Variants in CACNA1C observed in about 807,000 individuals in gnomAD.
The protein encoded by CACNA1C is calcium voltage-gated channel subunit alpha1 C.
A neutral mutation model predicts 229.0 loss-of-function variants in CACNA1C; 30 were observed. The ratio of observed to expected loss-of-function variants is 0.13; its 90% confidence interval spans 0.10 to 0.18. The LOEUF (loss-of-function observed/expected upper bound fraction) is 0.18, where lower values mean the gene tolerates loss of function less well. CACNA1C is among the 10% of genes least tolerant of loss of function. The pLI is 1.00. For synonymous variants in CACNA1C, 1,114 were observed against 1,132.5 expected (o/e 0.98, Z 0.33); for missense variants, 1,658 against 2,845.0 (o/e 0.58, Z 9.49).
rs2093678883 is a variant in CACNA1C at position 2,641,425 on chromosome 12, G to A, written c.3912+7045G>A. 9.3e-6 allele frequency: 4 copies of A among 429,408 alleles called. No homozygotes were observed. In the South Asian group the frequency reaches 1.1e-4, roughly 11 times the overall value. 26.6% of individuals were successfully genotyped at this position (429,408 alleles called of 1,614,324 possible). A position where few individuals can be genotyped will look rare whatever the true frequency, so the allele number is the denominator to read the frequency against. On this transcript the variant is annotated intron_variant, in intron 30 of 46. Coordinates refer to ENST00000399655, the MANE Select transcript of CACNA1C (RefSeq NM_000719.7). ...ACATTGGTGGGTGTGGCCTGAGCTGGTTCTAGGACACATAGATTAAATCAA... is the reference window on the plus strand; with the variant it reads ...ACATTGGTGGGTGTGGCCTGAGCTGATTCTAGGACACATAGATTAAATCAA...
chr12:2,314,982 A>T (rs964036726), intron 3 of CACNA1C, among the ~76,000 whole-genome samples: 1 of 152,174 alleles, frequency 6.6e-6, no homozygotes, highest in Non-Finnish European at 1.5e-5. Flanking sequence ...ACTTGCCTTT[A>T]TGAAAGAAAA....
chr12:2,577,664 C>G (rs538420457), intron 13 of CACNA1C, among the ~76,000 whole-genome samples: 1 of 152,276 alleles, frequency 6.6e-6, no homozygotes, highest in East Asian at 1.9e-4. Flanking sequence ...CCTCCATGGC[C>G]CCTTGCCTTT....
chr12:2,389,252 C>T (rs1291177398), intron 3 of CACNA1C, among the ~76,000 whole-genome samples: 1 of 151,958 alleles, frequency 6.6e-6, no homozygotes, highest in East Asian at 1.9e-4. Context: ...CCTTTGGATT[C>T]CGAGATGTGT....
chr12:2,420,936 A>G (rs1016380178), intron 3 of CACNA1C, among the ~76,000 whole-genome samples: 15 of 152,314 alleles, frequency 9.8e-5, no homozygotes, highest in South Asian at 2.1e-4. Flanking sequence ...TAGTGCCTTT[A>G]TCTCTTCTAA....
intron 1 of CACNA1C, among the ~76,000 whole-genome samples, chr12:2,031,444 C>T (rs2048204660): frequency 6.6e-6 from 1 of 152,210 alleles, no homozygotes; most frequent in Non-Finnish European, 1.5e-5. Flanking sequence ...TCAGGCTCAA[C>T]CTTCCAGAAG....
chr12:2,135,322 C>T (rs2093173835), intron 3 of CACNA1C, among the ~76,000 whole-genome samples: 1 of 146,866 alleles, frequency 6.8e-6, no homozygotes, highest in South Asian at 2.2e-4. Flanking sequence ...AAGTCATTCT[C>T]CATCCAGCTT....
In CACNA1C at chr12:2,651,500, C is replaced by T. The variant is rs1244830320; in HGVS notation, c.3946-140C>T. On this transcript the variant is annotated intron_variant, in intron 31 of 46. Coordinates refer to ENST00000399655, the MANE Select transcript of CACNA1C (RefSeq NM_000719.7). This position sits in a 1 kb window ranked among gnomAD's most constrained non-coding sequence, Gnocchi z 5.4. ...TTAAAGTGGGCGGCCGCCCTCCCAT[C>T]GGAGGGGGAAGTCTAGTGCAGCAAA... 24 of 1,282,438 alleles carry T rather than the reference C, an allele frequency of 1.9e-5. No homozygotes were observed. The highest frequency in any genetic ancestry group is 3.6e-5 in the Admixed American group (2 of 56,088). 79.4% of individuals were successfully genotyped at this position (1,282,438 alleles called of 1,614,324 possible).
At position 2,602,978 on chromosome 12, in the gene CACNA1C, A is replaced by C. The variant is rs1015263177; in HGVS notation, c.2960+1018A>C. ...CATCATGACACTTGCTCAAGGTCAC[A>C]CCTGTGGTAGAGAAAGGCCTAAGTC... On this transcript the variant is annotated intron_variant, in intron 22 of 46. Transcript: ENST00000399655. This position sits in a 1 kb window ranked among gnomAD's most constrained non-coding sequence, Gnocchi z 4.4. Among the ~76,000 whole-genome samples the C allele has an allele frequency of 6.6e-6, 1 of 152,142 alleles. No homozygotes were observed. Among genetic ancestry groups the C allele is most frequent in the African/African-American group, 2.4e-5 (1 of 41,428 alleles).
intron 3 of CACNA1C, among the ~76,000 whole-genome samples, chr12:2,162,250 C>T (rs529159893): frequency 1.4e-4 from 21 of 151,918 alleles, no homozygotes; most frequent in Admixed American, 3.9e-4. Flanking sequence ...AGCACCTGAC[C>T]ACCACCCCCT....
At chr12:2,541,139 T>C (rs1417142896) in intron 9 of CACNA1C, among the ~76,000 whole-genome samples, 4 of 152,106 alleles carry the variant, frequency 2.6e-5, no homozygotes, top group Admixed American at 2.0e-4. Flanking sequence ...CTCATCTTAA[T>C]CTAATGACCT....
intron 3 of CACNA1C, among the ~76,000 whole-genome samples, chr12:2,163,742 C>T (rs561242676): frequency 1.3e-5 from 2 of 152,258 alleles, no homozygotes; most frequent in South Asian, 4.1e-4. Context: ...GCTCTGGCGG[C>T]TGCATGTGTT....
intron 3 of CACNA1C, among the ~76,000 whole-genome samples, chr12:2,258,421 A>G (rs192482475): frequency 1.3e-5 from 2 of 149,484 alleles, no homozygotes; most frequent in African/African-American, 5.1e-5. Flanking sequence ...TTTTTTCCTC[A>G]AGTTTTTTTT....
intron 1 of CACNA1C, among the ~76,000 whole-genome samples, chr12:2,005,273 A>G (rs1048640259): frequency 1.3e-5 from 2 of 152,254 alleles, no homozygotes; most frequent in Non-Finnish European, 2.9e-5. Flanking sequence ...TCTGCATGAA[A>G]AAATAGGAAA....
chr12:2,453,858 T>C (rs1223158846), intron 4 of CACNA1C, among the ~76,000 whole-genome samples: 1 of 152,204 alleles, frequency 6.6e-6, no homozygotes, highest in Non-Finnish European at 1.5e-5. Flanking sequence ...TGGGTGTAAC[T>C]GAATTCCAAC....
At chr12:2,341,565 C>T (rs531986001) in intron 3 of CACNA1C, among the ~76,000 whole-genome samples, 4 of 152,206 alleles carry the variant, frequency 2.6e-5, no homozygotes, top group African/African-American at 7.2e-5. Flanking sequence ...CAGCCTCCCG[C>T]GGAGCCCTGC....
chr12:1,995,499 G>T (rs1436150907), intron 1 of CACNA1C, among the ~76,000 whole-genome samples: 4 of 152,254 alleles, frequency 2.6e-5, no homozygotes, highest in Admixed American at 6.5e-5. Flanking sequence ...CGGTTCTTGG[G>T]TACTCCACTG....
chr12:2,214,371 T>A (rs2059433510), intron 3 of CACNA1C, among the ~76,000 whole-genome samples: 1 of 152,096 alleles, frequency 6.6e-6, no homozygotes, highest in Non-Finnish European at 1.5e-5. Context: ...TACCTCAGAG[T>A]GTCATTGCAG....
chr12:2,629,198 C>T (rs539051033), intron 29 of CACNA1C, among the ~76,000 whole-genome samples: 1 of 152,322 alleles, frequency 6.6e-6, no homozygotes, highest in East Asian at 1.9e-4. Context: ...GTGGAAGCCT[C>T]TGGACTCTGG....
At chr12:2,256,853 G>T (rs2078093796) in intron 3 of CACNA1C, among the ~76,000 whole-genome samples, 1 of 152,164 alleles carries the variant, frequency 6.6e-6, no homozygotes. Flanking sequence ...GTGTTTCCAG[G>T]TTTGGAAACC....
Sources: gnomAD v4.1 joint callset for allele counts (sites outside exome capture counted in the v4.1 genomes callset) on GRCh38, gnomAD v4.1.1 for gene constraint, Gnocchi (gnomAD v3.1) non-coding constraint, MANE v1.5 for transcripts, NCBI Gene and HGNC (gene_info 2026-07-23, HGNC 2026-07-21) for gene names.